MAGI1: variants seen among roughly 807,000 people sequenced by gnomAD.
The protein encoded by MAGI1 is membrane-associated guanylate kinase, WW and PDZ domain-containing protein 1.
A neutral mutation model predicts 139.9 loss-of-function variants in MAGI1; 58 were observed. That is an observed-to-expected ratio of 0.41 (90% CI 0.34 to 0.52). The LOEUF is 0.52. Among genes scored for constraint, MAGI1 ranks in the 20% least tolerant of loss-of-function variants. The pLI is 0.12. For synonymous variants in MAGI1, 812 were observed against 737.9 expected, an observed-to-expected ratio of 1.10 and a Z score of -1.63; for missense variants, 1,874 against 1,901.6, an observed-to-expected ratio of 0.99 and a Z score of 0.27.
chr3:65,485,492 T>G (rs1188320170), intron 3 of MAGI1, among the ~76,000 whole-genome samples: 1 of 152,290 alleles, frequency 6.6e-6, no homozygotes, highest in South Asian at 2.1e-4. Context: ...TAATAGGTTT[T>G]TGTCAAGATT....
At chr3:65,844,529 T>C (rs561503104) in intron 1 of MAGI1, 17 of 226,174 alleles carry the variant, frequency 7.5e-5, no homozygotes, top group African/African-American at 2.3e-4. Context: ...CAGAGAGCCC[T>C]GAAGTTTTAA....
At chr3:65,579,611 C>CA (rs1172719630) in intron 2 of MAGI1, among the ~76,000 whole-genome samples, 1 of 152,042 alleles carries the variant, frequency 6.6e-6, no homozygotes, top group Non-Finnish European at 1.5e-5. Context: ...TTTGGGAGGC[C>CA]AAGGCGGGTA....
intron 1 of MAGI1, among the ~76,000 whole-genome samples, chr3:65,937,510 G>C (rs1357924815): frequency 6.6e-6 from 1 of 152,062 alleles, no homozygotes; most frequent in African/African-American, 2.4e-5. Context: ...CACTCCCCTG[G>C]TGAAGCAATT....
At chr3:65,565,901 G>A (rs545685419) in intron 2 of MAGI1, among the ~76,000 whole-genome samples, 1 of 149,440 alleles carries the variant, frequency 6.7e-6, no homozygotes, top group Non-Finnish European at 1.5e-5. Context: ...ACAACGGACA[G>A]TGGATTTGGA....
chr3:65,509,418 C>T (rs958881762), intron 2 of MAGI1, among the ~76,000 whole-genome samples: 2 of 152,110 alleles, frequency 1.3e-5, no homozygotes, highest in African/African-American at 4.8e-5. Context: ...TAGGGAGTGC[C>T]AGACAGTGGG....
chr3:65,561,063 G>A (rs557178847), intron 2 of MAGI1, among the ~76,000 whole-genome samples: 13 of 152,220 alleles, frequency 8.5e-5, no homozygotes, highest in South Asian at 6.2e-4. Flanking sequence ...GTTAGACCTG[G>A]TACTTTCCCT....
At chr3:65,830,390 G>A (rs1052999728) in intron 1 of MAGI1, among the ~76,000 whole-genome samples, 6 of 151,832 alleles carry the variant, frequency 4.0e-5, no homozygotes, top group African/African-American at 2.4e-5. Context: ...ATAAAGACAT[G>A]GGGTAGCTAT....
chr3:65,641,369 G>A (rs1013854129), intron 1 of MAGI1, among the ~76,000 whole-genome samples: 3 of 152,124 alleles, frequency 2.0e-5, no homozygotes, highest in Non-Finnish European at 4.4e-5. Flanking sequence ...TAGCACCAGC[G>A]CCTAGGCCCC....
chr3:65,377,403 A>G (rs1942638329), intron 17 of MAGI1, among the ~76,000 whole-genome samples: 1 of 152,248 alleles, frequency 6.6e-6, no homozygotes, highest in African/African-American at 2.4e-5. Context: ...AGCCTCATGC[A>G]AGGTATTAGG....
intron 1 of MAGI1, among the ~76,000 whole-genome samples, chr3:66,011,828 T>C (rs1332168900): frequency 6.9e-6 from 1 of 145,322 alleles, no homozygotes; most frequent in Non-Finnish European, 1.5e-5. Flanking sequence ...CCAGACAATA[T>C]GCTGAACCAA....
At chr3:65,641,124 G>A (rs960937780) in intron 1 of MAGI1, among the ~76,000 whole-genome samples, 2 of 151,894 alleles carry the variant, frequency 1.3e-5, no homozygotes, top group African/African-American at 4.8e-5. Context: ...AAAAAAGTAG[G>A]TGATGGTGAC....
chr3:65,668,864 A>G (rs2086686560), intron 1 of MAGI1, among the ~76,000 whole-genome samples: 1 of 151,842 alleles, frequency 6.6e-6, no homozygotes, highest in Non-Finnish European at 1.5e-5. Flanking sequence ...CATTTAGTCC[A>G]TTCTTAAAGA....
At chr3:65,656,415 A>C (rs979226752) in intron 1 of MAGI1, among the ~76,000 whole-genome samples, 1 of 152,238 alleles carries the variant, frequency 6.6e-6, no homozygotes, top group Non-Finnish European at 1.5e-5. Flanking sequence ...TCAGATTAAA[A>C]GAGAACCAAA....
chr3:66,025,788 C>T (rs557015822), intron 1 of MAGI1, among the ~76,000 whole-genome samples: 19 of 151,956 alleles, frequency 1.3e-4, no homozygotes, highest in East Asian at 7.7e-4. Context: ...ACGGGCAATT[C>T]GGACATATTT....
intron 2 of MAGI1, among the ~76,000 whole-genome samples, chr3:65,525,705 A>G (rs2078348786): frequency 6.6e-6 from 1 of 152,222 alleles, no homozygotes; most frequent in South Asian, 2.1e-4. Flanking sequence ...GAAAAAACAA[A>G]AGAACAAAAC....
chr3:65,772,110 C>T (rs889692694), intron 1 of MAGI1, among the ~76,000 whole-genome samples: 5 of 151,980 alleles, frequency 3.3e-5, no homozygotes, highest in Non-Finnish European at 7.4e-5. Context: ...GCAGGAGAAT[C>T]GTTTGAACCT....
intron 14 of MAGI1, chr3:65,387,236 T>A: frequency 1.2e-6 from 2 of 1,608,284 alleles, no homozygotes; most frequent in Non-Finnish European, 8.5e-7. Context: ...GCTGGAATAT[T>A]AATTTCACAA....
intron 1 of MAGI1, among the ~76,000 whole-genome samples, chr3:65,957,602 A>G (rs576752748): frequency 6.6e-6 from 1 of 152,030 alleles, no homozygotes; most frequent in Non-Finnish European, 1.5e-5. Context: ...TACAATGTTG[A>G]GGAAATGAAG....
chr3:65,491,309 C>T (rs34404287), intron 3 of MAGI1, among the ~76,000 whole-genome samples: 47,671 of 151,958 alleles, frequency 0.31, 9,115 homozygotes, highest in East Asian at 0.73. Flanking sequence ...ATAATAGCCG[C>T]CTCTGTTGCA....
Sources: gnomAD v4.1 joint callset for allele counts (sites outside exome capture counted in the v4.1 genomes callset) on GRCh38, gnomAD v4.1.1 for gene constraint, MANE v1.5 for transcripts, NCBI Gene and HGNC (gene_info 2026-07-23, HGNC 2026-07-21) for gene names.